ITGA8: variants seen among roughly 807,000 people sequenced by gnomAD.
ITGA8 encodes the protein integrin subunit alpha 8.
ITGA8 carries 91 observed loss-of-function variants against 142.3 expected under a neutral mutation model. The ratio of observed to expected loss-of-function variants is 0.64; its 90% confidence interval spans 0.54 to 0.76. The LOEUF (loss-of-function observed/expected upper bound fraction) is 0.76, where lower values mean the gene tolerates loss of function less well. ITGA8 is among the 30% of genes least tolerant of loss of function. The pLI is 0.00. For missense variants in ITGA8, 1,406 were observed against 1,327.7 expected (o/e 1.06, Z -0.92); for synonymous variants, 505 against 485.2 (o/e 1.04, Z -0.54).
intron 13 of ITGA8, among the ~76,000 whole-genome samples, chr10:15,632,145 C>G (rs1833696153): frequency 6.6e-6 from 1 of 151,804 alleles, no homozygotes; most frequent in Non-Finnish European, 1.5e-5. Context: ...ATCTGAGAAC[C>G]TGATTCAAGC....
At chr10:15,688,696 T>C (rs1167585827) in intron 2 of ITGA8, among the ~76,000 whole-genome samples, 1 of 152,178 alleles carries the variant, frequency 6.6e-6, no homozygotes. Flanking sequence ...TAGGTCAACA[T>C]AGCAAATCAA....
chr10:15,667,985 T>G (rs1040949102), intron 8 of ITGA8, among the ~76,000 whole-genome samples: 4 of 151,896 alleles, frequency 2.6e-5, no homozygotes, highest in African/African-American at 7.3e-5. Flanking sequence ...CTGAAAAGAA[T>G]GTATATTCTG....
At position 15,531,166 on chromosome 10, in the gene ITGA8, AT is replaced by A; in HGVS notation, c.2881-16del. 2 of 1,286,438 alleles carry A rather than the reference AT, an allele frequency of 1.6e-6. No homozygotes were observed. Among genetic ancestry groups the A allele is most frequent in the Non-Finnish European group, 2.1e-6 (2 of 941,898 alleles). 79.7% of individuals were successfully genotyped at this position (1,286,438 alleles called of 1,614,324 possible). On this transcript the variant is annotated splice_polypyrimidine_tract_variant and intron_variant, in intron 27 of 29. Coordinates refer to ENST00000378076, the MANE Select transcript of ITGA8 (RefSeq NM_003638.3). ...TCATTTTTTCTCTGAAAGTAAAAGT[AT>A]TTATTTAAATATATTTCATATAAAG...
At chr10:15,542,430 A>G (rs191614680) in intron 27 of ITGA8, among the ~76,000 whole-genome samples, 5 of 152,330 alleles carry the variant, frequency 3.3e-5, no homozygotes, top group Admixed American at 1.3e-4. Context: ...GACTATTACT[A>G]CTGTATTGGA....
chr10:15,659,844 C>T (rs1401266047), intron 9 of ITGA8, among the ~76,000 whole-genome samples: 1 of 152,116 alleles, frequency 6.6e-6, no homozygotes, highest in Non-Finnish European at 1.5e-5. Flanking sequence ...CAAGGAATGC[C>T]AGGGACCATC....
intron 15 of ITGA8, among the ~76,000 whole-genome samples, chr10:15,610,076 T>C (rs188576055): frequency 1.8e-3 from 270 of 152,304 alleles, no homozygotes; most frequent in Non-Finnish European, 3.1e-3. Flanking sequence ...CATTACCAAA[T>C]GGATGACTTT....
chr10:15,656,543 T>C (rs1350533959), intron 10 of ITGA8, among the ~76,000 whole-genome samples: 1 of 151,954 alleles, frequency 6.6e-6, no homozygotes, highest in East Asian at 1.9e-4. Flanking sequence ...TTTCTATTTT[T>C]AGTAGAGATG....
intron 2 of ITGA8, among the ~76,000 whole-genome samples, chr10:15,712,506 C>A (rs1018096713): frequency 2.0e-5 from 3 of 152,132 alleles, no homozygotes; most frequent in Admixed American, 6.5e-5. Flanking sequence ...GAGGCTGAGG[C>A]AGGAGAATCA....
intron 10 of ITGA8, among the ~76,000 whole-genome samples, chr10:15,658,074 A>T (rs1275111589): frequency 6.6e-6 from 1 of 152,208 alleles, no homozygotes; most frequent in Non-Finnish European, 1.5e-5. Flanking sequence ...ACATTTCTTG[A>T]GGAGTTGTTA....
intron 6 of ITGA8, among the ~76,000 whole-genome samples, chr10:15,673,120 A>G (rs1016500743): frequency 2.6e-5 from 4 of 152,046 alleles, no homozygotes; most frequent in Non-Finnish European, 5.9e-5. Context: ...GTCTCGCACT[A>G]TTGCCTGGGC....
intron 21 of ITGA8, among the ~76,000 whole-genome samples, chr10:15,595,417 C>A (rs991739961): frequency 6.6e-6 from 1 of 152,108 alleles, no homozygotes; most frequent in Non-Finnish European, 1.5e-5. Flanking sequence ...TGTTTAAGGG[C>A]ACTAAAGAAT....
chr10:15,718,313 G>C (rs1258859933), intron 2 of ITGA8, among the ~76,000 whole-genome samples: 1 of 152,140 alleles, frequency 6.6e-6, no homozygotes, highest in Non-Finnish European at 1.5e-5. Flanking sequence ...AAACAGCAAC[G>C]CGGAGTGATG....
chr10:15,697,196 CATATG>C (rs1394076862), intron 2 of ITGA8, among the ~76,000 whole-genome samples: 8 of 152,114 alleles, frequency 5.3e-5, no homozygotes, highest in Non-Finnish European at 7.4e-5. Context: ...CTGTTATACA[CATATG>C]ATTTGTATGC....
At chr10:15,653,329 A>G (rs1257834312) in intron 11 of ITGA8, among the ~76,000 whole-genome samples, 1 of 91,600 alleles carries the variant, frequency 1.1e-5, no homozygotes, top group Non-Finnish European at 2.3e-5. Flanking sequence ...CTATTTTAAC[A>G]AGTTTAATTA....
chr10:15,666,405 G>A (rs962423483), intron 8 of ITGA8, among the ~76,000 whole-genome samples: 2 of 152,124 alleles, frequency 1.3e-5, no homozygotes, highest in African/African-American at 2.4e-5. Context: ...TTATCAGCTT[G>A]AGGAGATTTT....
At chr10:15,592,384 C>T in intron 21 of ITGA8, 80 bp from the exon 22 acceptor site, 1 of 986,312 alleles carries the variant, frequency 1.0e-6, no homozygotes, top group Admixed American at 2.1e-5. Context: ...TGCAAAACCC[C>T]ACCCTGGATC....
intron 8 of ITGA8, among the ~76,000 whole-genome samples, chr10:15,666,346 T>C (rs1386784774): frequency 6.6e-6 from 1 of 152,178 alleles, no homozygotes; most frequent in East Asian, 1.9e-4. Context: ...TAAGAATGCT[T>C]GTGATTTTTG....
At position 15,719,670 on chromosome 10, in the gene ITGA8, G is replaced by A. The variant is rs760569573; in HGVS notation, c.102C>T (p.Pro34=). The A allele has an allele frequency of 7.3e-6, 11 of 1,506,298 alleles. No individual in the cohort carries two copies. The African/African-American group carries it at 1.2e-4, about 16-fold the overall frequency. The allele number at this position is 1,506,298 out of a possible 1,614,324, so 93.3% of individuals were successfully genotyped here. A position where few individuals can be genotyped will look rare whatever the true frequency, so the allele number is the denominator to read the frequency against. The change falls in exon 1 of 30, where the codon CCC becomes CCT. Residue 34 remains proline (P), a synonymous_variant. Coordinates refer to ENST00000378076, the MANE Select transcript of ITGA8 (RefSeq NM_003638.3). The part of the protein sequence containing the change: ...AAALGMLLWS[P]ACQAFNLDVE... ...CGTCCAGGTTGAACGCCTGACAGGC[G>A]GGGGACCACAGCAACATCCCCAGCG... is the stretch of plus-strand genomic sequence containing the variant.
intron 2 of ITGA8, among the ~76,000 whole-genome samples, chr10:15,704,143 G>A (rs1024078396): frequency 1.2e-4 from 19 of 152,110 alleles, no homozygotes; most frequent in Admixed American, 3.3e-4. Flanking sequence ...GCTTCCTTTT[G>A]TTATCTCCCA....
Sources: gnomAD v4.1 joint callset for allele counts (sites outside exome capture counted in the v4.1 genomes callset) on GRCh38, gnomAD v4.1.1 for gene constraint, MANE v1.5 for transcripts, NCBI Gene and HGNC (gene_info 2026-07-23, HGNC 2026-07-21) for gene names.